Variants in FBXO25 observed in about 807,000 individuals in gnomAD.
FBXO25 encodes F-box protein 25, also known as F-box only protein 25.
FBXO25 carries 45 observed loss-of-function variants against 51.9 expected under a neutral mutation model. The observed-to-expected ratio is 0.87, with a 90% CI of 0.68 to 1.11. The LOEUF is 1.11. FBXO25 is among the 50% of genes most tolerant of loss of function. The probability of loss-of-function intolerance (pLI) is 0.00; values close to 1 mark genes in which losing one functional copy is unlikely to be tolerated. For synonymous variants in FBXO25, 199 were observed against 151.0 expected (o/e 1.32, Z -2.33); for missense variants, 507 against 428.5 (o/e 1.18, Z -1.62).
rs2116881792 is a variant in FBXO25, at chr8:471,322, T to G, written c.*2518T>G. The G allele has an allele frequency of 6.6e-6, 1 of 152,264 alleles. No individual in the cohort carries two copies. The highest frequency in any genetic ancestry group is 2.4e-5 in the African/African-American group (1 of 41,538). 9.4% of individuals were successfully genotyped at this position (152,264 alleles called of 1,614,324 possible). On this transcript the variant is annotated 3_prime_UTR_variant, in exon 10 of 10. Transcript: ENST00000350302. ...TATAAGGACAGAATAAAGACAATTT[T>G]GAGGCACTGATCAGTTATTTACAGA... is the stretch of plus-strand genomic sequence containing the variant.
In FBXO25 at chr8:475,145, G is replaced by C; in HGVS notation, c.*6341G>C. On this transcript the variant is annotated 3_prime_UTR_variant, in exon 10 of 10. Transcript: ENST00000350302. ...TTTTAATTTTTATATATGGTGTGAG[G>C]TAGATCTAGCTTCATGTGGATGTCC... 2.8e-6 allele frequency: 1 copy of C among 354,848 alleles called. No homozygotes were observed. Among genetic ancestry groups the C allele is most frequent in the South Asian group, 2.2e-5 (1 of 44,612 alleles). The allele number at this position is 354,848 out of a possible 1,614,324, so 22.0% of individuals were successfully genotyped here. A position where few individuals can be genotyped will look rare whatever the true frequency, so the allele number is the denominator to read the frequency against.
chr8:465,770 G>C (rs1384708466), intron 9 of FBXO25, among the ~76,000 whole-genome samples: 1 of 152,108 alleles, frequency 6.6e-6, no homozygotes, highest in East Asian at 1.9e-4. Flanking sequence ...CAAAAGTTTG[G>C]GATTTTGGAG....
rs1563105969 is a variant in FBXO25 at position 471,539 on chromosome 8, G to C, written c.*2735G>C. 1 of 152,166 alleles carries C rather than the reference G, an allele frequency of 6.6e-6. No homozygotes were observed. The highest frequency in any genetic ancestry group is 1.5e-5 in the Non-Finnish European group (1 of 68,046). The allele number at this position is 152,166 out of a possible 1,614,324, so 9.4% of individuals were successfully genotyped here. ...CAGGACCCCAGGAGCCTAAAGCCAGGTAGTAAGTTTCACTTGCCCATCGCT... is the reference window on the plus strand; with the variant it reads ...CAGGACCCCAGGAGCCTAAAGCCAGCTAGTAAGTTTCACTTGCCCATCGCT... On this transcript the variant is annotated 3_prime_UTR_variant, in exon 10 of 10. Transcript: ENST00000350302.
chr8:414,422 TA>T (rs1435558388), intron 2 of FBXO25, among the ~76,000 whole-genome samples: 1 of 152,220 alleles, frequency 6.6e-6, no homozygotes, highest in Non-Finnish European at 1.5e-5. Context: ...TAGCCACTAT[TA>T]AATGTGGATT....
At chr8:453,334 C>G (rs1051260356) in intron 7 of FBXO25, among the ~76,000 whole-genome samples, 10 of 152,126 alleles carry the variant, frequency 6.6e-5, no homozygotes, top group African/African-American at 2.2e-4. Flanking sequence ...ACCTGAGTCC[C>G]TGGGTGCTCT....
Position 475,126 on chromosome 8 carries a change from T to G in FBXO25, c.*6322T>G. On this transcript the variant is annotated 3_prime_UTR_variant, in exon 10 of 10. Transcript: ENST00000350302. ...AGTTTAGGCCTTTGATCTATTTTAATTTTTATATATGGTGTGAGGTAGATC... is the reference window on the plus strand; with the variant it reads ...AGTTTAGGCCTTTGATCTATTTTAAGTTTTATATATGGTGTGAGGTAGATC... 2.8e-6 allele frequency: 1 copy of G among 361,414 alleles called. No homozygotes were observed. Among genetic ancestry groups the G allele is most frequent in the South Asian group, 2.2e-5 (1 of 45,834 alleles). 22.4% of individuals were successfully genotyped at this position (361,414 alleles called of 1,614,324 possible).
chr8:456,758 G>T (rs1419625785), intron 7 of FBXO25, among the ~76,000 whole-genome samples: 1 of 152,210 alleles, frequency 6.6e-6, no homozygotes, highest in East Asian at 1.9e-4. Flanking sequence ...AAGTGGCTTG[G>T]AGTGCATCAC....
At position 475,005 on chromosome 8, in the gene FBXO25, T is replaced by C. The variant is rs928854532; in HGVS notation, c.*6201T>C. 2.5e-6 allele frequency: 1 copy of C among 401,428 alleles called. No homozygotes were observed. The highest frequency in any genetic ancestry group is 4.9e-6 in the Non-Finnish European group (1 of 205,620). 24.9% of individuals were successfully genotyped at this position (401,428 alleles called of 1,614,324 possible). A position where few individuals can be genotyped will look rare whatever the true frequency, so the allele number is the denominator to read the frequency against. The stretch of plus-strand genomic sequence containing the variant: ...TGTTTCTTTCTTTTAGTTACCTGTG[T>C]GTGCCTCTGGTGTCATATCTAAGAA... On this transcript the variant is annotated 3_prime_UTR_variant, in exon 10 of 10. Coordinates refer to ENST00000350302, the MANE Select transcript of FBXO25 (RefSeq NM_183420.2).
rs147153928 is a variant in FBXO25, at chr8:438,941, C to T, written c.381+3234C>T. 6.0e-3 allele frequency among the ~76,000 whole-genome samples: 907 copies of T among 152,286 alleles called. 7 individuals are homozygous for T. Among genetic ancestry groups the T allele is most frequent in the Non-Finnish European group, 9.8e-3 (667 of 68,024 alleles). ...CCCCATCCCAGTTGAGCCCCAGGAG[C>T]AGGGGCTTGGTTTGTTCACTGCTGT... On this transcript the variant is annotated intron_variant, in intron 5 of 9. Coordinates refer to ENST00000350302, the MANE Select transcript of FBXO25 (RefSeq NM_183420.2).
chr8:418,062 G>A (rs775777237), intron 2 of FBXO25, among the ~76,000 whole-genome samples: 5 of 152,130 alleles, frequency 3.3e-5, no homozygotes, highest in Admixed American at 6.5e-5. Flanking sequence ...GTGTGTGTCA[G>A]TGCAGGTTAC....
At chr8:426,097 G>A (rs1347256848) in intron 2 of FBXO25, among the ~76,000 whole-genome samples, 1 of 152,084 alleles carries the variant, frequency 6.6e-6, no homozygotes. Flanking sequence ...ACCATGGCAT[G>A]CTGCACTTTT....
rs770284434 is a variant in FBXO25, at chr8:474,758, T to C, written c.*5954T>C. The C allele has an allele frequency of 1.2e-4, 55 of 456,610 alleles. No homozygotes were observed. Among genetic ancestry groups the C allele is most frequent in the Middle Eastern group, 3.2e-4 (1 of 3,098 alleles). 28.3% of individuals were successfully genotyped at this position (456,610 alleles called of 1,614,324 possible). A position where few individuals can be genotyped will look rare whatever the true frequency, so the allele number is the denominator to read the frequency against. ...TCTGGGTATTCACCCTTTTCAGATA[T>C]ATCATTTTAAAATACTTTGTCCCAT... is the stretch of plus-strand genomic sequence containing the variant. On this transcript the variant is annotated 3_prime_UTR_variant, in exon 10 of 10. Coordinates refer to ENST00000350302, the MANE Select transcript of FBXO25 (RefSeq NM_183420.2).
At chr8:467,727 A>T in intron 9 of FBXO25, 1 of 1,613,884 alleles carries the variant, frequency 6.2e-7, no homozygotes, top group Non-Finnish European at 8.5e-7. Context: ...AAGGACTACC[A>T]TCTTGCTTTA....
chr8:407,243 G>A (rs952475082), intron 1 of FBXO25, among the ~76,000 whole-genome samples, 177 bp downstream of exon 1: 2 of 150,308 alleles, frequency 1.3e-5, no homozygotes, highest in African/African-American at 4.9e-5. Flanking sequence ...CGCGTCAGGT[G>A]GGGACGGGGC....
chr8:434,968 T>C (rs1798016203), intron 4 of FBXO25, among the ~76,000 whole-genome samples: 1 of 152,202 alleles, frequency 6.6e-6, no homozygotes, highest in African/African-American at 2.4e-5. Flanking sequence ...GCTCCCAGCC[T>C]GAAAGCTGCC....
intron 5 of FBXO25, among the ~76,000 whole-genome samples, chr8:441,970 A>G (rs1488249367): frequency 6.6e-6 from 1 of 152,242 alleles, no homozygotes; most frequent in Non-Finnish European, 1.5e-5. Flanking sequence ...ATCTAGAACC[A>G]GAGATACTAT....
At chr8:448,381 A>C (rs1171774263) in intron 5 of FBXO25, among the ~76,000 whole-genome samples, 1 of 152,246 alleles carries the variant, frequency 6.6e-6, no homozygotes, top group Admixed American at 6.5e-5. Flanking sequence ...GTCGTCTCTT[A>C]CTGAGGGAAA....
chr8:415,056 T>C (rs982467894), intron 2 of FBXO25, among the ~76,000 whole-genome samples: 5 of 152,230 alleles, frequency 3.3e-5, no homozygotes, highest in South Asian at 2.1e-4. Flanking sequence ...TTTAAAAAGA[T>C]AAGACCATAT....
rs952705870 is a variant in FBXO25 at position 469,075 on chromosome 8, T to C, written c.*271T>C. On this transcript the variant is annotated 3_prime_UTR_variant, in exon 10 of 10. Transcript: ENST00000350302. Reference sequence around the variant, plus strand: ...TGCGTACTCTCTCTCTCTATATATATAGTTCAAAAATACTTTAGGTGGTCA... The same window carrying C: ...TGCGTACTCTCTCTCTCTATATATACAGTTCAAAAATACTTTAGGTGGTCA... 2 of 334,706 alleles carry C rather than the reference T, an allele frequency of 6.0e-6. No homozygotes were observed. Among genetic ancestry groups the C allele is most frequent in the Non-Finnish European group, 1.1e-5 (2 of 186,064 alleles). The allele number at this position is 334,706 out of a possible 1,614,324, so 20.7% of individuals were successfully genotyped here.
Sources: allele counts gnomAD v4.1 joint callset (sites outside exome capture counted in the v4.1 genomes callset), GRCh38; gene constraint gnomAD v4.1.1; transcripts MANE v1.5; gene names NCBI Gene and HGNC (gene_info 2026-07-23, HGNC 2026-07-21).